Variants in CNTN6 observed in about 807,000 individuals in gnomAD.
CNTN6 encodes the protein contactin-6.
In CNTN6, 137 loss-of-function variants were observed where a neutral mutation model predicts 122.8. The ratio of observed to expected loss-of-function variants is 1.12; its 90% confidence interval spans 0.97 to 1.29. The LOEUF (loss-of-function observed/expected upper bound fraction) is 1.29, where lower values mean the gene tolerates loss of function less well. Ranked by LOEUF, CNTN6 falls within the 50% of genes most tolerant of loss-of-function variation. The probability of loss-of-function intolerance (pLI) is 0.00; values close to 1 mark genes in which losing one functional copy is unlikely to be tolerated. For missense variants in CNTN6, 1,634 were observed against 1,223.4 expected (o/e 1.34, Z -5.01); for synonymous variants, 570 against 426.0 (o/e 1.34, Z -4.16).
chr3:1,098,781 CACACACACATATATAT>C lies in CNTN6; in HGVS notation c.-83+5663_-83+5678del, dbSNP rs1339517992. The stretch of plus-strand genomic sequence containing the variant: ...GCACACACACACACACACACACACA[CACACACACATATATAT>C]ATATATATATATATATATATAGTGG... On this transcript the variant is annotated intron_variant, in intron 1 of 22. Transcript: ENST00000446702. Among the ~76,000 whole-genome samples the C allele has an allele frequency of 2.1e-4, 13 of 60,890 alleles. No individual in the cohort carries two copies. In the East Asian group the frequency reaches 6.3e-3, roughly 29 times the overall value. The allele number at this position is 60,890 out of a possible 152,430, so 39.9% of individuals were successfully genotyped here. A position where few individuals can be genotyped will look rare whatever the true frequency, so the allele number is the denominator to read the frequency against.
At position 1,385,812 on chromosome 3, in the gene CNTN6, A is replaced by G; in HGVS notation, c.2704+15A>G. The G allele has an allele frequency of 6.3e-7, 1 of 1,578,902 alleles. No individual in the cohort carries two copies. On this transcript the variant is annotated intron_variant, in intron 20 of 22. Coordinates refer to ENST00000446702, the MANE Select transcript of CNTN6 (RefSeq NM_001289080.2). ...CAAAAAGTCTCGTAAGTATGCATAC[A>G]CTCCAGGAAACAAGATTCATCTGTG...
intron 2 of CNTN6, among the ~76,000 whole-genome samples, chr3:1,163,159 G>A (rs1358289948): frequency 6.6e-6 from 1 of 152,152 alleles, no homozygotes; most frequent in Non-Finnish European, 1.5e-5. Context: ...GGACAACGCA[G>A]CTTGTTTTAG....
At chr3:1,106,925 G>A (rs1007951235) in intron 1 of CNTN6, among the ~76,000 whole-genome samples, 1 of 152,172 alleles carries the variant, frequency 6.6e-6, no homozygotes, top group Admixed American at 6.5e-5. Flanking sequence ...TCAAATATTA[G>A]TTGGGGCTCT....
chr3:1,331,430 A>C (rs1672504257), intron 11 of CNTN6, among the ~76,000 whole-genome samples: 1 of 152,012 alleles, frequency 6.6e-6, no homozygotes, highest in South Asian at 2.1e-4. Flanking sequence ...ACATAGGAAC[A>C]GGTGCTTCAG....
chr3:1,131,633 G>A (rs919229598), intron 1 of CNTN6, among the ~76,000 whole-genome samples: 1 of 152,112 alleles, frequency 6.6e-6, no homozygotes, highest in Non-Finnish European at 1.5e-5. Context: ...GTTAGCACCT[G>A]GGAACCTCCA....
Position 1,403,349 on chromosome 3 carries a change from A to C in CNTN6, c.3018A>C (p.Glu1006Asp), listed in dbSNP as rs371952525. 1.1e-4 allele frequency: 174 copies of C among 1,610,962 alleles called. No individual in the cohort carries two copies. Among genetic ancestry groups the C allele is most frequent in the Non-Finnish European group, 1.4e-4 (163 of 1,178,502 alleles). ...GTTCCAGAGGAATTCAATTCTTAGA[A>C]CCTAGCACCCATTTTCTTTCCATTG... ...SLSSRGIQFL[E>D]PSTHFLSIVI... The change falls in exon 23 of 23, where the codon GAA (glutamate) becomes GAC (aspartate). Residue 1006 changes from glutamate to aspartate, a missense_variant. Coordinates refer to ENST00000446702, the MANE Select transcript of CNTN6 (RefSeq NM_001289080.2).
At chr3:1,285,666 A>G (rs1017757365) in intron 5 of CNTN6, among the ~76,000 whole-genome samples, 4 of 152,208 alleles carry the variant, frequency 2.6e-5, no homozygotes, top group African/African-American at 7.2e-5. Context: ...TTAGCTAACA[A>G]CTATAGTTAA....
At chr3:1,328,718 A>G (rs1162743167) in intron 10 of CNTN6, among the ~76,000 whole-genome samples, 1 of 151,800 alleles carries the variant, frequency 6.6e-6, no homozygotes, top group Admixed American at 6.6e-5. Context: ...GGTGAAGGGT[A>G]GAGAAGCAAC....
At chr3:1,141,875 C>T (rs1008508887) in intron 1 of CNTN6, among the ~76,000 whole-genome samples, 2 of 152,126 alleles carry the variant, frequency 1.3e-5, no homozygotes, top group African/African-American at 4.8e-5. Context: ...AAGCTTATTA[C>T]AGAGCTATGC....
chr3:1,154,232 A>G (rs1157003597), intron 2 of CNTN6, among the ~76,000 whole-genome samples: 3 of 152,170 alleles, frequency 2.0e-5, no homozygotes, highest in South Asian at 4.1e-4. Context: ...AATGATTGGT[A>G]TGCAGACTGG....
rs2094559947 is a variant in CNTN6, at chr3:1,245,286, T to TAAC, written c.358+17294_358+17295insACA. On this transcript the variant is annotated intron_variant, in intron 4 of 22. Coordinates refer to ENST00000446702, the MANE Select transcript of CNTN6 (RefSeq NM_001289080.2). ...ATATATATATATATACACACACATA[T>TAAC]ATATATAACATATATATATATATAT... 1.2e-3 allele frequency among the ~76,000 whole-genome samples: 10 copies of TAAC among 8,400 alleles called. 1 individual carries two copies. Among genetic ancestry groups the TAAC allele is most frequent in the African/African-American group, 4.5e-3 (10 of 2,222 alleles). The allele number at this position is 8,400 out of a possible 152,430, so 5.5% of individuals were successfully genotyped here.
intron 1 of CNTN6, among the ~76,000 whole-genome samples, chr3:1,097,326 TTGA>T (rs1258408741): frequency 6.6e-6 from 1 of 152,182 alleles, no homozygotes; most frequent in African/African-American, 2.4e-5. Context: ...CAAATCCTTT[TTGA>T]AAGTATACTG....
chr3:1,292,414 C>G (rs1695479629), intron 5 of CNTN6, among the ~76,000 whole-genome samples: 2 of 151,974 alleles, frequency 1.3e-5, no homozygotes, highest in South Asian at 4.1e-4. Flanking sequence ...ATTCCTCTTT[C>G]AATAATGGGT....
intron 1 of CNTN6, among the ~76,000 whole-genome samples, chr3:1,145,543 G>A (rs145967986): frequency 7.0e-4 from 106 of 152,222 alleles, no homozygotes; most frequent in African/African-American, 2.2e-3. Context: ...TGTAATTTAC[G>A]TTATAAGCTG....
At chr3:1,099,084 T>C (rs1045827837) in intron 1 of CNTN6, among the ~76,000 whole-genome samples, 1 of 151,992 alleles carries the variant, frequency 6.6e-6, no homozygotes, top group African/African-American at 2.4e-5. Context: ...ATTATGGAAA[T>C]AGTATATTGA....
chr3:1,165,622 A>G (rs114304715), intron 2 of CNTN6, among the ~76,000 whole-genome samples: 1,791 of 152,250 alleles, frequency 0.012, 25 homozygotes, highest in African/African-American at 0.041. Context: ...AATAATCACA[A>G]CAGCTACCTG....
chr3:1,195,095 C>T lies in CNTN6; in HGVS notation c.56-25592C>T, dbSNP rs935117024. On this transcript the variant is annotated intron_variant, in intron 2 of 22. Coordinates refer to ENST00000446702, the MANE Select transcript of CNTN6 (RefSeq NM_001289080.2). The stretch of plus-strand genomic sequence containing the variant: ...CAGGTTCAGCTTGTCCTAATTATTC[C>T]GGGGCCAGGTTCCAGACAACTAAAG... Among the ~76,000 whole-genome samples, 8 of 152,052 alleles carry T rather than the reference C, an allele frequency of 5.3e-5. No homozygotes were observed. In the East Asian group the frequency reaches 5.8e-4, roughly 11 times the overall value.
At chr3:1,370,814 C>T (rs1708902614) in intron 12 of CNTN6, among the ~76,000 whole-genome samples, 1 of 152,144 alleles carries the variant, frequency 6.6e-6, no homozygotes, top group South Asian at 2.1e-4. Flanking sequence ...CATCACTGCA[C>T]TCTAGCCTGG....
At chr3:1,189,200 T>A (rs867795915) in intron 2 of CNTN6, among the ~76,000 whole-genome samples, 1 of 152,116 alleles carries the variant, frequency 6.6e-6, no homozygotes, top group Non-Finnish European at 1.5e-5. Context: ...AAGTTTATAA[T>A]TGTTGGTGCC....
Sources: gnomAD v4.1 joint callset for allele counts (sites outside exome capture counted in the v4.1 genomes callset) on GRCh38, gnomAD v4.1.1 for gene constraint, MANE v1.5 for transcripts, NCBI Gene and HGNC (gene_info 2026-07-23, HGNC 2026-07-21) for gene names.